The following COL26A1 variants were observed in gnomAD, a reference collection of about 807,000 sequenced individuals.
COL26A1 encodes collagen type XXVI alpha 1 chain.
A neutral mutation model predicts 59.3 loss-of-function variants in COL26A1; 41 were observed. The ratio of observed to expected loss-of-function variants is 0.69; its 90% CI spans 0.54 to 0.90. The LOEUF (loss-of-function observed/expected upper bound fraction) is 0.90. COL26A1 is among the 40% of genes least tolerant of loss of function. The pLI is 0.00. For missense variants in COL26A1, 612 were observed against 602.3 expected, an observed-to-expected ratio of 1.02 and a Z score of -0.17; for synonymous variants, 266 against 256.0, an observed-to-expected ratio of 1.04 and a Z score of -0.37.
At chr7:101,428,228 A>T (rs1415738158) in intron 2 of COL26A1, among the ~76,000 whole-genome samples, 1 of 151,720 alleles carries the variant, frequency 6.6e-6, no homozygotes, top group Non-Finnish European at 1.5e-5. Context: ...GTGGTGGTGC[A>T]TGTCTGTAGT....
chr7:101,528,749 G>A (rs6945961), intron 3 of COL26A1, among the ~76,000 whole-genome samples: 68,905 of 151,912 alleles, frequency 0.45, 17,355 homozygotes, highest in African/African-American at 0.66. Flanking sequence ...GGGTCTCACT[G>A]TGTTCACCAG....
chr7:101,490,124 G>T lies in COL26A1; in HGVS notation c.385+42337G>T, dbSNP rs530434104. ...GGTAATTTTTGTATTTTTCAGTAGA[G>T]ATGGGGTTTCACCATATTGGCCAGG... On this transcript the variant is annotated intron_variant, in intron 3 of 12. Transcript: ENST00000313669. Among the ~76,000 whole-genome samples, 255 of 151,566 alleles carry T rather than the reference G, an allele frequency of 1.7e-3. 1 individual carries two copies. The highest frequency in any genetic ancestry group is 5.7e-3 in the African/African-American group (236 of 41,350).
At chr7:101,502,071 C>T (rs1040830340) in intron 3 of COL26A1, among the ~76,000 whole-genome samples, 7 of 152,304 alleles carry the variant, frequency 4.6e-5, no homozygotes, top group African/African-American at 1.4e-4. Flanking sequence ...GCTTGAAGGC[C>T]GGGTGCGGTG....
At chr7:101,439,911 A>G (rs1410962098) in intron 2 of COL26A1, among the ~76,000 whole-genome samples, 2 of 152,310 alleles carry the variant, frequency 1.3e-5, no homozygotes, top group African/African-American at 2.4e-5. Context: ...TGACACTACC[A>G]TGTGGCTGGG....
upstream of COL26A1, among the ~76,000 whole-genome samples, chr7:101,362,657 A>G (rs1441889122): frequency 6.6e-6 from 1 of 152,156 alleles, no homozygotes; most frequent in East Asian, 1.9e-4. Flanking sequence ...TTGGTTTCAA[A>G]GGTTCTAAGG....
chr7:101,494,122 A>G (rs1794529921), intron 3 of COL26A1, among the ~76,000 whole-genome samples: 1 of 119,672 alleles, frequency 8.4e-6, no homozygotes, highest in Non-Finnish European at 1.9e-5. Context: ...CTTCTATTGC[A>G]TTGTCGTTTT....
At chr7:101,541,135 G>C (rs186540832) in intron 5 of COL26A1, among the ~76,000 whole-genome samples, 1 of 152,162 alleles carries the variant, frequency 6.6e-6, no homozygotes, top group Non-Finnish European at 1.5e-5. Context: ...CTCAGCTACT[G>C]TCTTCAGTAT....
intron 3 of COL26A1, among the ~76,000 whole-genome samples, chr7:101,463,635 C>CA (rs1363043649): frequency 1.9e-4 from 6 of 32,350 alleles, no homozygotes; most frequent in African/African-American, 1.4e-3. Context: ...CTCTTCCTTC[C>CA]TTCCTTCCAT....
chr7:101,549,135 CTGG>C, intron 8 of COL26A1, 33 bp from the exon 9 acceptor site: 2 of 1,388,824 alleles, frequency 1.4e-6, no homozygotes, highest in Non-Finnish European at 2.0e-6. Flanking sequence ...CGCCCCCTCT[CTGG>C]CCCCAGGTGA....
chr7:101,471,357 A>G (rs553065422), intron 3 of COL26A1, among the ~76,000 whole-genome samples: 3 of 152,296 alleles, frequency 2.0e-5, no homozygotes, highest in Admixed American at 6.5e-5. Context: ...AGTGTCATCT[A>G]GACTCCCAAT....
intron 9 of COL26A1, 76 bp downstream of exon 9, chr7:101,549,299 A>C (rs539777570): frequency 3.7e-5 from 36 of 971,776 alleles, no homozygotes; most frequent in African/African-American, 2.2e-4. Context: ...AGGGGAGAAG[A>C]AGCACCTTTT....
intron 3 of COL26A1, among the ~76,000 whole-genome samples, chr7:101,473,650 ACAC>A (rs1562998953): frequency 4.4e-5 from 6 of 135,458 alleles, no homozygotes; most frequent in Non-Finnish European, 9.4e-5. Context: ...ACACACACAC[ACAC>A]AAACACACAC....
chr7:101,451,339 C>CTAT (rs1409728511), intron 3 of COL26A1, among the ~76,000 whole-genome samples: 1 of 140,066 alleles, frequency 7.1e-6, no homozygotes, highest in Non-Finnish European at 1.5e-5. Flanking sequence ...TATTATATTT[C>CTAT]TATTTAAACA....
Position 101,442,329 on chromosome 7 carries a change from C to CTT in COL26A1, c.282-5341_282-5340dup, listed in dbSNP as rs35025332. Among the ~76,000 whole-genome samples, 328 of 139,342 alleles carry CTT rather than the reference C, an allele frequency of 2.4e-3. 1 individual carries two copies. The highest frequency in any genetic ancestry group is 7.5e-3 in the Middle Eastern group (2 of 266). 91.4% of individuals were successfully genotyped at this position (139,342 alleles called of 152,430 possible). ...GCCCTTTCTGTTTTTCTAGGTCTTT[C>CTT]TTTTTTTTTTTTTTTGAGACAGAGT... On this transcript the variant is annotated intron_variant, in intron 2 of 12. Coordinates refer to ENST00000313669, the MANE Select transcript of COL26A1 (RefSeq NM_001278563.3).
At chr7:101,511,782 C>T (rs770730355) in intron 3 of COL26A1, among the ~76,000 whole-genome samples, 55 of 152,218 alleles carry the variant, frequency 3.6e-4, no homozygotes, top group Middle Eastern at 3.4e-3. Flanking sequence ...TGCATAAGCA[C>T]GGGAGTTTGA....
At chr7:101,522,590 G>A (rs982124258) in intron 3 of COL26A1, among the ~76,000 whole-genome samples, 2 of 152,118 alleles carry the variant, frequency 1.3e-5, no homozygotes, top group Non-Finnish European at 2.9e-5. Context: ...AGGGACTTAA[G>A]ACAGAGATCA....
At chr7:101,552,875 C>A (rs1258172401) in intron 10 of COL26A1, among the ~76,000 whole-genome samples, 2 of 152,186 alleles carry the variant, frequency 1.3e-5, no homozygotes, top group South Asian at 2.1e-4. Flanking sequence ...ACACTGCACC[C>A]CAGCCTGGGT....
chr7:101,365,427 G>A (rs2116991550), intron 1 of COL26A1, among the ~76,000 whole-genome samples: 1 of 152,070 alleles, frequency 6.6e-6, no homozygotes, highest in East Asian at 1.9e-4. Flanking sequence ...ATGTTTTTCT[G>A]GTTTCTGTGT....
intron 3 of COL26A1, among the ~76,000 whole-genome samples, chr7:101,516,755 G>T (rs10953347): frequency 0.19 from 28,578 of 152,038 alleles, 3,134 homozygotes; most frequent in African/African-American, 0.3. Context: ...GCGTGTCGGG[G>T]GCAGGGCCCA....
Sources: allele counts gnomAD v4.1 joint callset (sites outside exome capture counted in the v4.1 genomes callset), GRCh38; gene constraint gnomAD v4.1.1; transcripts MANE v1.5; gene names NCBI Gene and HGNC (gene_info 2026-07-23, HGNC 2026-07-21).